PDE7B: variants seen among roughly 807,000 people sequenced by gnomAD.
PDE7B encodes phosphodiesterase 7B, also known as 3',5'-cyclic-AMP phosphodiesterase 7B.
Under a neutral mutation model 56.2 loss-of-function variants are expected in PDE7B, and 29 were observed. The observed-to-expected ratio is 0.52, with a 90% CI of 0.38 to 0.70. The LOEUF (loss-of-function observed/expected upper bound fraction) is 0.70, where lower values mean the gene tolerates loss of function less well. Among genes scored for constraint, PDE7B ranks in the 30% least tolerant of loss-of-function variants. The pLI is 0.00. For missense variants in PDE7B, 490 were observed against 565.0 expected (o/e 0.87, Z 1.35); for synonymous variants, 197 against 196.9 (o/e 1.00, Z 0.00).
chr6:135,932,183 A>C (rs1040784111), intron 1 of PDE7B, among the ~76,000 whole-genome samples: 5 of 152,192 alleles, frequency 3.3e-5, no homozygotes, highest in Non-Finnish European at 7.3e-5. Context: ...AGTGTCATAA[A>C]AGATTGCCAT....
rs527300918 is a variant in PDE7B at position 136,112,122 on chromosome 6, G to A, written c.166+3308G>A. 8.6e-5 allele frequency among the ~76,000 whole-genome samples: 13 copies of A among 152,042 alleles called. 1 individual carries two copies. The South Asian group carries it at 1.5e-3, about 17-fold the overall frequency. On this transcript the variant is annotated intron_variant, in intron 3 of 12. Coordinates refer to ENST00000308191, the MANE Select transcript of PDE7B (RefSeq NM_018945.4). ...TATATGCATTGAATCACTGGAGCACGCAAGAGCAGAAATGTATACTAAATA... is the reference window on the plus strand; with the variant it reads ...TATATGCATTGAATCACTGGAGCACACAAGAGCAGAAATGTATACTAAATA...
intron 1 of PDE7B, among the ~76,000 whole-genome samples, chr6:135,946,020 C>T (rs1267093417): frequency 2.6e-5 from 4 of 152,098 alleles, no homozygotes; most frequent in African/African-American, 9.7e-5. Context: ...CATTTCTCAA[C>T]ATTTCTTCCC....
chr6:136,185,795 CAT>C (rs894274533), intron 11 of PDE7B, among the ~76,000 whole-genome samples: 8 of 151,958 alleles, frequency 5.3e-5, no homozygotes, highest in African/African-American at 1.7e-4. Flanking sequence ...TTTTTATTAA[CAT>C]ATGTAAAATG....
At chr6:136,111,157 G>A (rs1280055830) in intron 3 of PDE7B, 1 of 151,910 alleles carries the variant, frequency 6.6e-6, no homozygotes, top group Non-Finnish European at 1.5e-5. Flanking sequence ...TTCCTTTATA[G>A]GTGGTCTCCA....
chr6:136,114,589 C>T (rs1777801351), intron 3 of PDE7B, among the ~76,000 whole-genome samples: 1 of 152,114 alleles, frequency 6.6e-6, no homozygotes, highest in Non-Finnish European at 1.5e-5. Flanking sequence ...TTTTAGTAAC[C>T]TTACAGATAC....
intron 2 of PDE7B, among the ~76,000 whole-genome samples, chr6:136,082,382 T>C (rs887543574): frequency 1.3e-5 from 2 of 152,196 alleles, no homozygotes; most frequent in Admixed American, 1.3e-4. Context: ...AACCTGTCTC[T>C]CTCTAAACTT....
intron 2 of PDE7B, among the ~76,000 whole-genome samples, chr6:135,965,320 G>A (rs1276329297): frequency 1.3e-5 from 2 of 152,176 alleles, no homozygotes; most frequent in African/African-American, 4.8e-5. Context: ...AGCAGGATCT[G>A]CTCAGGATCT....
At position 136,191,711 on chromosome 6, in the gene PDE7B, C is replaced by T. The variant is rs773942263; in HGVS notation, c.1224C>T (p.His408=). 2.5e-6 allele frequency: 4 copies of T among 1,612,658 alleles called. No homozygotes were observed. Among genetic ancestry groups the T allele is most frequent in the Non-Finnish European group, 3.4e-6 (4 of 1,179,382 alleles). ...AGAACATGCTGGGCCACCTCGCACA[C>T]AACAAGGCCCAGTGGAAGAGCCTGT... ...LSENMLGHLA[H]NKAQWKSLLP... Residue 408 remains histidine (H), a synonymous_variant, in exon 13 of 13, where the codon CAC becomes CAT. Transcript: ENST00000308191.
At chr6:135,890,989 C>T (rs909611957) in intron 1 of PDE7B, among the ~76,000 whole-genome samples, 8 of 152,134 alleles carry the variant, frequency 5.3e-5, no homozygotes, top group Non-Finnish European at 1.5e-5. Flanking sequence ...GCCAAAAAAG[C>T]TCTTGTTTAA....
chr6:135,896,822 C>T (rs965087714), intron 1 of PDE7B, among the ~76,000 whole-genome samples: 3 of 151,678 alleles, frequency 2.0e-5, no homozygotes, highest in Non-Finnish European at 3.0e-5. Context: ...ACTGCTCCTT[C>T]CTTCCAGCTC....
intron 2 of PDE7B, among the ~76,000 whole-genome samples, chr6:136,060,417 G>GAGA (rs1776817909): frequency 6.6e-6 from 1 of 152,160 alleles, no homozygotes. Flanking sequence ...TAGTATGCAT[G>GAGA]AGAAGTATGT....
chr6:136,089,775 A>T (rs1033939860), intron 2 of PDE7B, among the ~76,000 whole-genome samples: 1 of 152,242 alleles, frequency 6.6e-6, no homozygotes, highest in African/African-American at 2.4e-5. Flanking sequence ...AATTTATGCC[A>T]GTTATTGGTC....
chr6:135,909,822 A>G (rs999178373), intron 1 of PDE7B, among the ~76,000 whole-genome samples: 6 of 152,166 alleles, frequency 3.9e-5, no homozygotes, highest in Admixed American at 6.5e-5. Flanking sequence ...TGGTGGAGAC[A>G]AAAGTGCAAG....
At chr6:136,156,705 A>G (rs1778611077) in intron 8 of PDE7B, among the ~76,000 whole-genome samples, 1 of 152,226 alleles carries the variant, frequency 6.6e-6, no homozygotes, top group Non-Finnish European at 1.5e-5. Flanking sequence ...AGATATCTTC[A>G]GTGTCCTATA....
intron 6 of PDE7B, among the ~76,000 whole-genome samples, chr6:136,152,700 T>C (rs1778540220): frequency 6.6e-6 from 1 of 152,252 alleles, no homozygotes; most frequent in African/African-American, 2.4e-5. Context: ...TCCTCTGCCA[T>C]TTACATGTTT....
intron 8 of PDE7B, among the ~76,000 whole-genome samples, chr6:136,169,818 C>T (rs188490668): frequency 6.6e-6 from 1 of 152,272 alleles, no homozygotes; most frequent in East Asian, 1.9e-4. Flanking sequence ...TTGTGTGTAG[C>T]TCATGCCCAA....
chr6:136,050,738 G>A (rs146657847), intron 2 of PDE7B, among the ~76,000 whole-genome samples: 255 of 152,300 alleles, frequency 1.7e-3, no homozygotes, highest in African/African-American at 6.0e-3. Flanking sequence ...CAGAAAGCAA[G>A]TTGAAGATTT....
intron 2 of PDE7B, among the ~76,000 whole-genome samples, chr6:136,090,989 C>A (rs1340940757): frequency 6.6e-6 from 1 of 152,224 alleles, no homozygotes; most frequent in African/African-American, 2.4e-5. Flanking sequence ...TGTCCAAATT[C>A]CAACAGGACA....
intron 1 of PDE7B, among the ~76,000 whole-genome samples, chr6:135,946,801 C>T (rs932797336): frequency 4.6e-5 from 7 of 152,012 alleles, no homozygotes; most frequent in African/African-American, 1.4e-4. Flanking sequence ...CAAGTACTAA[C>T]GCTTTGTCAA....
Sources: allele counts gnomAD v4.1 joint callset (sites outside exome capture counted in the v4.1 genomes callset), GRCh38; gene constraint gnomAD v4.1.1; transcripts MANE v1.5; gene names NCBI Gene and HGNC (gene_info 2026-07-23, HGNC 2026-07-21).